The following MAF variants were observed in gnomAD, a reference collection of about 807,000 sequenced individuals.
The protein encoded by MAF is transcription factor Maf.
A neutral mutation model predicts 22.0 loss-of-function variants in MAF; 10 were observed. The ratio of observed to expected loss-of-function variants is 0.45; its 90% CI spans 0.28 to 0.77. The LOEUF is 0.77. Among genes scored for constraint, MAF ranks in the 30% least tolerant of loss-of-function variants. MAF has a pLI of 0.12. For missense variants in MAF, 544 were observed against 548.4 expected (o/e 0.99, Z 0.08); for synonymous variants, 337 against 255.8 (o/e 1.32, Z -3.03).
the MAF span, among the ~76,000 whole-genome samples, chr16:79,536,695 C>G: frequency 6.6e-6 from 1 of 152,172 alleles, no homozygotes; most frequent in African/African-American, 2.4e-5. Flanking sequence ...ATCATTGTGT[C>G]TGTACTAAAC....
the MAF span, among the ~76,000 whole-genome samples, chr16:79,336,221 C>A: frequency 6.6e-6 from 1 of 152,244 alleles, no homozygotes; most frequent in Non-Finnish European, 1.5e-5. Context: ...TGCTCCACTA[C>A]TTGTCACATG....
chr16:79,575,840 C>G, the MAF span, among the ~76,000 whole-genome samples: 1 of 152,126 alleles, frequency 6.6e-6, no homozygotes, highest in Non-Finnish European at 1.5e-5. Flanking sequence ...GGCCAAGACC[C>G]TAGGAAATTA....
At chr16:79,543,932 C>T in the MAF span, among the ~76,000 whole-genome samples, 1 of 151,938 alleles carries the variant, frequency 6.6e-6, no homozygotes, top group South Asian at 2.1e-4. Flanking sequence ...GTGATCCACC[C>T]GCCTCGGCCT....
the MAF span, among the ~76,000 whole-genome samples, chr16:79,386,485 G>A: frequency 9.9e-5 from 15 of 152,248 alleles, no homozygotes; most frequent in Middle Eastern, 6.8e-3. Context: ...TGAGTGATGG[G>A]GAGTGGCTGT....
chr16:79,490,482 A>T, the MAF span, among the ~76,000 whole-genome samples: 1 of 152,222 alleles, frequency 6.6e-6, no homozygotes, highest in African/African-American at 2.4e-5. Flanking sequence ...TAAATAAATT[A>T]TGATACACTC....
the MAF span, among the ~76,000 whole-genome samples, chr16:79,504,629 GTGA>G: frequency 2.0e-5 from 3 of 151,968 alleles, no homozygotes; most frequent in Non-Finnish European, 4.4e-5. Flanking sequence ...AGATGGATGG[GTGA>G]ATGGATGGAT....
the MAF span, among the ~76,000 whole-genome samples, chr16:79,506,456 G>C: frequency 5.8e-4 from 89 of 152,282 alleles, no homozygotes; most frequent in Middle Eastern, 6.8e-3. Flanking sequence ...AGCAGCTGAA[G>C]ATCCCCAGCC....
chr16:79,583,973 A>G (rs934497605), downstream of MAF, among the ~76,000 whole-genome samples: 1 of 152,214 alleles, frequency 6.6e-6, no homozygotes, highest in African/African-American at 2.4e-5. Flanking sequence ...AAGCTGTAAC[A>G]TGCCCTAATG....
chr16:79,568,406 C>T, the MAF span, among the ~76,000 whole-genome samples: 1 of 152,150 alleles, frequency 6.6e-6, no homozygotes, highest in Non-Finnish European at 1.5e-5. Context: ...ATGGGAAGGC[C>T]TGTAGGGAGC....
chr16:79,458,112 G>GTGTGTGTGTGTGTGTC, the MAF span, among the ~76,000 whole-genome samples: 2 of 133,482 alleles, frequency 1.5e-5, no homozygotes, highest in Non-Finnish European at 3.1e-5. Flanking sequence ...ATGTATAAGT[G>GTGTGTGTGTGTGTGTC]TGTGTGTGTG....
chr16:79,347,784 G>C, the MAF span, among the ~76,000 whole-genome samples: 1 of 152,110 alleles, frequency 6.6e-6, no homozygotes. Flanking sequence ...TCCTGTCTTA[G>C]GTACCAAGTC....
chr16:79,372,508 C>T, the MAF span, among the ~76,000 whole-genome samples: 1 of 152,250 alleles, frequency 6.6e-6, no homozygotes, highest in Admixed American at 6.5e-5. Context: ...TTTCTTGCAA[C>T]TGCTGCCAGT....
the MAF span, among the ~76,000 whole-genome samples, chr16:79,349,369 G>A: frequency 3.9e-5 from 6 of 152,202 alleles, no homozygotes; most frequent in Non-Finnish European, 7.3e-5. Flanking sequence ...CTTTCTATTT[G>A]TGGAGGACCC....
At chr16:79,511,619 T>C in the MAF span, among the ~76,000 whole-genome samples, 1 of 152,238 alleles carries the variant, frequency 6.6e-6, no homozygotes, top group Non-Finnish European at 1.5e-5. Context: ...CCCAGCAGCC[T>C]GATCCTGGCA....
chr16:79,365,536 T>C, the MAF span, among the ~76,000 whole-genome samples: 1 of 152,106 alleles, frequency 6.6e-6, no homozygotes, highest in Non-Finnish European at 1.5e-5. Context: ...TGAGGGGCCC[T>C]AGCTCTCCTC....
At chr16:79,390,989 G>C in the MAF span, among the ~76,000 whole-genome samples, 6 of 152,150 alleles carry the variant, frequency 3.9e-5, no homozygotes, top group African/African-American at 1.2e-4. Context: ...GGACAGAAGT[G>C]CATTGTCTCG....
the MAF span, among the ~76,000 whole-genome samples, chr16:79,446,540 G>A: frequency 1.3e-5 from 2 of 152,136 alleles, no homozygotes; most frequent in African/African-American, 4.8e-5. Flanking sequence ...ATAAAGGTTT[G>A]AAAATGCTTT....
At chr16:79,521,540 C>A in the MAF span, among the ~76,000 whole-genome samples, 1 of 152,202 alleles carries the variant, frequency 6.6e-6, no homozygotes, top group Non-Finnish European at 1.5e-5. Context: ...TTGCAGCCAG[C>A]AGTTTCCCCA....
At chr16:79,246,922 T>C in the MAF span, among the ~76,000 whole-genome samples, 1 of 152,224 alleles carries the variant, frequency 6.6e-6, no homozygotes, top group Non-Finnish European at 1.5e-5. Flanking sequence ...CTGTTTTAGG[T>C]TCCTGTTCTA....
Sources: allele counts gnomAD v4.1 joint callset (sites outside exome capture counted in the v4.1 genomes callset), GRCh38; gene constraint gnomAD v4.1.1; transcripts MANE v1.5; gene names NCBI Gene and HGNC (gene_info 2026-07-23, HGNC 2026-07-21).